The following GTF3C1 variants were observed in gnomAD, a reference collection of about 807,000 sequenced individuals.
GTF3C1 encodes the protein general transcription factor IIIC subunit 1, also known as general transcription factor 3C polypeptide 1.
GTF3C1 carries 57 observed loss-of-function variants against 226.7 expected under a neutral mutation model. The ratio of observed to expected loss-of-function variants is 0.25; its 90% CI spans 0.20 to 0.31. The LOEUF (loss-of-function observed/expected upper bound fraction) is 0.31. Among genes scored for constraint, GTF3C1 ranks in the 10% least tolerant of loss-of-function variants. GTF3C1 has a pLI of 1.00. For synonymous variants in GTF3C1, 1,090 were observed against 1,084.8 expected (o/e 1.00, Z -0.09); for missense variants, 2,217 against 2,776.1 (o/e 0.80, Z 4.53).
chr16:27,532,286 C>G (rs532739271), intron 5 of GTF3C1, among the ~76,000 whole-genome samples: 11 of 152,284 alleles, frequency 7.2e-5, no homozygotes, highest in African/African-American at 1.4e-4. Flanking sequence ...ACCTCCTCCC[C>G]CTGTGAACAA....
chr16:27,518,833 A>C (rs1406180831), intron 6 of GTF3C1, among the ~76,000 whole-genome samples: 4 of 152,230 alleles, frequency 2.6e-5, no homozygotes, highest in African/African-American at 9.6e-5. Flanking sequence ...CAAGTTCTTC[A>C]TGGGTAAAAT....
Position 27,492,268 on chromosome 16 carries a change from C to T in GTF3C1, c.3151+70G>A. 1.1e-6 allele frequency: 1 copy of T among 917,052 alleles called. No homozygotes were observed. Among genetic ancestry groups the T allele is most frequent in the Non-Finnish European group, 1.7e-6 (1 of 581,150 alleles). The allele number at this position is 917,052 out of a possible 1,614,324, so 56.8% of individuals were successfully genotyped here. On this transcript the variant is annotated intron_variant, in intron 19 of 36. Transcript: ENST00000356183. This position sits in a 1 kb window ranked among gnomAD's most constrained non-coding sequence, Gnocchi z 5.0. Reference sequence around the variant, plus strand: ...TGAGGCAACTCCTAGGCTTTTCTAGCCCTAAATCCCAGTTAGCACACAGAA... The same window carrying T: ...TGAGGCAACTCCTAGGCTTTTCTAGTCCTAAATCCCAGTTAGCACACAGAA...
Position 27,470,085 on chromosome 16 carries a change from T to C in GTF3C1, c.4814+23A>G, listed in dbSNP as rs747488043. Reference sequence around the variant, plus strand: ...ATGCCTAGCACGTGGCCAGACCTGATGCTGCGGATGCCGGACTCTTACCTT... The same window carrying C: ...ATGCCTAGCACGTGGCCAGACCTGACGCTGCGGATGCCGGACTCTTACCTT... On this transcript the variant is annotated intron_variant, in intron 31 of 36. Coordinates refer to ENST00000356183, the MANE Select transcript of GTF3C1 (RefSeq NM_001520.4). This position sits in a 1 kb window ranked among gnomAD's most constrained non-coding sequence, Gnocchi z 4.9. 6.2e-7 allele frequency: 1 copy of C among 1,601,234 alleles called. No individual in the cohort carries two copies. Among genetic ancestry groups the C allele is most frequent in the Non-Finnish European group, 8.5e-7 (1 of 1,171,074 alleles).
chr16:27,465,499 G>A lies in GTF3C1; in HGVS notation c.5116C>T (p.Pro1706Ser), dbSNP rs763321018. ...EELTMGTSCL[P>S]DTFTKLINPQ... is the part of the protein sequence containing the mutation. ...TTTATCAGCTTGGTGAACGTATCAG[G>A]GAGGCAGGAGGTTCCCATTGTTAGC... Residue 1706 changes from proline (P) to serine (S), a missense_variant, in exon 33 of 37, where the codon CCT becomes TCT. Physicochemically the swap from Pro to Ser is moderately conservative, Grantham distance 74. Transcript: ENST00000356183. 2 of 1,603,208 alleles carry A rather than the reference G, an allele frequency of 1.2e-6. No individual in the cohort carries two copies.
intron 2 of GTF3C1, 51 bp from the exon 3 acceptor site, chr16:27,538,407 A>G (rs559185689): frequency 7.2e-6 from 8 of 1,108,202 alleles, no homozygotes; most frequent in South Asian, 1.7e-5. Flanking sequence ...TGATTTTAGG[A>G]AAACTGAGAT....
chr16:27,467,756 G>A (rs1034666770), intron 32 of GTF3C1, among the ~76,000 whole-genome samples: 1 of 152,114 alleles, frequency 6.6e-6, no homozygotes, highest in Non-Finnish European at 1.5e-5. Flanking sequence ...TGTAATTCCA[G>A]CTACTCGGGA....
chr16:27,493,336 C>T (rs2088261466), intron 16 of GTF3C1, 40 bp from the exon 17 acceptor site: 1 of 978,966 alleles, frequency 1.0e-6, no homozygotes, highest in Admixed American at 1.7e-5. Context: ...CCCTGAGGGC[C>T]AGGGCGACCT....
At chr16:27,526,200 G>A (rs2088831781) in intron 6 of GTF3C1, among the ~76,000 whole-genome samples, 1 of 152,192 alleles carries the variant, frequency 6.6e-6, no homozygotes, top group Non-Finnish European at 1.5e-5. Flanking sequence ...CGTAAGTCTG[G>A]CTGTCAGTGT....
At chr16:27,521,276 T>C (rs549006242) in intron 6 of GTF3C1, among the ~76,000 whole-genome samples, 119 of 152,340 alleles carry the variant, frequency 7.8e-4, no homozygotes, top group Non-Finnish European at 1.4e-3. Flanking sequence ...GCAGGGAGCA[T>C]TCCCTTCTCA....
intron 15 of GTF3C1, 93 bp from the exon 16 acceptor site, chr16:27,495,001 C>G (rs1177738467): frequency 5.3e-6 from 6 of 1,126,792 alleles, no homozygotes; most frequent in Non-Finnish European, 7.7e-6. Flanking sequence ...GTCTTGGTGT[C>G]TTTACCCCTA....
At chr16:27,512,262 C>T (rs2088584954) in intron 6 of GTF3C1, among the ~76,000 whole-genome samples, 1 of 152,240 alleles carries the variant, frequency 6.6e-6, no homozygotes, top group East Asian at 1.9e-4. Flanking sequence ...TCCCAGCACC[C>T]AGGACACGGC....
intron 6 of GTF3C1, 35 bp from the exon 7 acceptor site, chr16:27,511,936 T>C: frequency 6.2e-7 from 1 of 1,611,324 alleles, no homozygotes; most frequent in Non-Finnish European, 8.5e-7. Context: ...CAGCAATGAG[T>C]GAAAGCAGTG....
chr16:27,462,267 CCTG>C lies in GTF3C1; in HGVS notation c.6117+24_6117+26del. On this transcript the variant is annotated intron_variant, in intron 36 of 36. Coordinates refer to ENST00000356183, the MANE Select transcript of GTF3C1 (RefSeq NM_001520.4). The surrounding 1 kb of genome is among the most constrained non-coding windows in gnomAD (Gnocchi z 4.5). Reference sequence around the variant, plus strand: ...TGAGTGCACCCAGCCGCCTCCACACCCTGCTGAACCCAGGAAGGCCCCACACCT... The same window carrying C: ...TGAGTGCACCCAGCCGCCTCCACACCCTGAACCCAGGAAGGCCCCACACCT... 2 of 1,526,070 alleles carry C rather than the reference CCTG, an allele frequency of 1.3e-6. No individual in the cohort carries two copies. Among genetic ancestry groups the C allele is most frequent in the East Asian group, 4.9e-5 (2 of 40,698 alleles). The allele number at this position is 1,526,070 out of a possible 1,614,324, so 94.5% of individuals were successfully genotyped here.
chr16:27,509,319 C>A (rs2088536454), intron 7 of GTF3C1, among the ~76,000 whole-genome samples: 1 of 152,092 alleles, frequency 6.6e-6, no homozygotes, highest in Non-Finnish European at 1.5e-5. Flanking sequence ...GCTCAGAGGC[C>A]CTTTAAATGC....
intron 14 of GTF3C1, among the ~76,000 whole-genome samples, chr16:27,495,736 T>C (rs538655159): frequency 1.6e-3 from 251 of 152,250 alleles, no homozygotes; most frequent in Middle Eastern, 6.8e-3. Flanking sequence ...AGGGCTGCAA[T>C]TCTACAAAAG....
intron 28 of GTF3C1, among the ~76,000 whole-genome samples, chr16:27,477,019 A>C (rs1231127669): frequency 6.6e-6 from 1 of 152,214 alleles, no homozygotes; most frequent in East Asian, 1.9e-4. Context: ...AGTGATATTC[A>C]AGGCTAGGGG....
At position 27,463,577 on chromosome 16, in the gene GTF3C1, A is replaced by C. The variant is rs767191185; in HGVS notation, c.5888T>G (p.Phe1963Cys). 6.2e-7 allele frequency: 1 copy of C among 1,603,020 alleles called. No individual in the cohort carries two copies. Among genetic ancestry groups the C allele is most frequent in the African/African-American group, 1.3e-5 (1 of 74,850 alleles). ...TGCCTGGGAGATGTTGGCAGCTCCGAAACTCTCTGTGAACCCTGAGGGAAG... is the reference window on the plus strand; with the variant it reads ...TGCCTGGGAGATGTTGGCAGCTCCGCAACTCTCTGTGAACCCTGAGGGAAG... ...SEDPRGFTES[F>C]GAANISQAAR... Residue 1963 changes from phenylalanine to cysteine, a missense_variant, in exon 35 of 37, where the codon TTC (phenylalanine) becomes TGC (cysteine). By Grantham distance (205) the Phe-to-Cys change is radical. This residue lies in a region of GTF3C1 where 455 missense variants were observed against 441.9 expected (regional missense o/e 1.03). Transcript: ENST00000356183. The surrounding 1 kb of genome is among the most constrained non-coding windows in gnomAD (Gnocchi z 4.9).
intron 12 of GTF3C1, among the ~76,000 whole-genome samples, chr16:27,500,171 C>G (rs1268903834): frequency 6.6e-6 from 1 of 152,098 alleles, no homozygotes; most frequent in East Asian, 1.9e-4. Flanking sequence ...CTTTGAAGAT[C>G]AACAGAAATA....
At chr16:27,537,319 G>C (rs2089015432) in intron 4 of GTF3C1, among the ~76,000 whole-genome samples, 1 of 152,078 alleles carries the variant, frequency 6.6e-6, no homozygotes, top group South Asian at 2.1e-4. Context: ...TAGTTTCCTA[G>C]TTTTCTAAAC....
Sources: gnomAD v4.1 joint callset for allele counts (sites outside exome capture counted in the v4.1 genomes callset) on GRCh38, gnomAD v4.1.1 for gene constraint, gnomAD v4.1.1 regional missense constraint, Gnocchi (gnomAD v3.1) non-coding constraint, MANE v1.5 for transcripts, NCBI Gene and HGNC (gene_info 2026-07-23, HGNC 2026-07-21) for gene names.